Variants in ST6GALNAC3 observed in about 807,000 individuals in gnomAD.
The protein encoded by ST6GALNAC3 is ST6 N-acetylgalactosaminide alpha-2,6-sialyltransferase 3.
A neutral mutation model predicts 32.7 loss-of-function variants in ST6GALNAC3; 25 were observed. The ratio of observed to expected loss-of-function variants is 0.76; its 90% CI spans 0.56 to 1.07. The LOEUF is 1.07. ST6GALNAC3 is among the 50% of genes least tolerant of loss of function. ST6GALNAC3 has a pLI of 0.00. For missense variants in ST6GALNAC3, 355 were observed against 382.4 expected, an observed-to-expected ratio of 0.93 and a Z score of 0.60; for synonymous variants, 129 against 133.1, an observed-to-expected ratio of 0.97 and a Z score of 0.21.
At chr1:76,151,286 C>T (rs184744897) in intron 1 of ST6GALNAC3, among the ~76,000 whole-genome samples, 10 of 152,236 alleles carry the variant, frequency 6.6e-5, no homozygotes, top group Non-Finnish European at 1.3e-4. Flanking sequence ...CAAGGGGTGA[C>T]GTTAAAACTA....
At chr1:76,309,120 T>C (rs911575323) in intron 1 of ST6GALNAC3, among the ~76,000 whole-genome samples, 2 of 152,164 alleles carry the variant, frequency 1.3e-5, no homozygotes, top group African/African-American at 2.4e-5. Context: ...GTTCCTCCTA[T>C]ACTTACCCTT....
chr1:76,277,219 C>A (rs1659179666), intron 1 of ST6GALNAC3, among the ~76,000 whole-genome samples: 1 of 151,888 alleles, frequency 6.6e-6, no homozygotes, highest in African/African-American at 2.4e-5. Context: ...AAATTATTTT[C>A]TACTCCAACC....
At chr1:76,125,553 G>T (rs1414302124) in intron 1 of ST6GALNAC3, among the ~76,000 whole-genome samples, 1 of 152,128 alleles carries the variant, frequency 6.6e-6, no homozygotes, top group Admixed American at 6.5e-5. Context: ...GGCAGGGCAA[G>T]CCTCTGTGGT....
At chr1:76,402,910 A>T (rs1653536993) in intron 2 of ST6GALNAC3, among the ~76,000 whole-genome samples, 1 of 152,090 alleles carries the variant, frequency 6.6e-6, no homozygotes, top group African/African-American at 2.4e-5. Context: ...CTCTTAAATT[A>T]TTGAGTCTTA....
chr1:76,501,028 G>T (rs1347434834), intron 3 of ST6GALNAC3, among the ~76,000 whole-genome samples: 1 of 152,200 alleles, frequency 6.6e-6, no homozygotes, highest in African/African-American at 2.4e-5. Flanking sequence ...GTGGGGGGAA[G>T]ACCCCAGGAG....
In ST6GALNAC3 at chr1:76,436,164, C is replaced by CA. The variant is rs1656128784; in HGVS notation, c.623+23752dup. On this transcript the variant is annotated intron_variant, in intron 3 of 4. Coordinates refer to ENST00000328299, the MANE Select transcript of ST6GALNAC3 (RefSeq NM_152996.4). ...TCTTTTGTATTAAAGCATTCGAATG[C>CA]AAAAAGTGTAAATTTTGTCTGTGTG... Among the ~76,000 whole-genome samples, 3 of 152,136 alleles carry CA rather than the reference C, an allele frequency of 2.0e-5. 1 individual carries two copies. The South Asian group carries it at 6.2e-4, about 32-fold the overall frequency.
intron 3 of ST6GALNAC3, among the ~76,000 whole-genome samples, chr1:76,458,815 C>T (rs1354437226): frequency 1.3e-5 from 2 of 151,218 alleles, no homozygotes; most frequent in Non-Finnish European, 2.9e-5. Flanking sequence ...AGCGCACCAA[C>T]ACGGCACATG....
chr1:76,532,032 C>T (rs539556536), intron 3 of ST6GALNAC3, among the ~76,000 whole-genome samples: 1 of 152,252 alleles, frequency 6.6e-6, no homozygotes, highest in East Asian at 1.9e-4. Context: ...GGATAGCTGT[C>T]GCTCCATTTG....
chr1:76,328,980 T>C (rs893172719), intron 2 of ST6GALNAC3, among the ~76,000 whole-genome samples: 2 of 152,154 alleles, frequency 1.3e-5, no homozygotes, highest in African/African-American at 4.8e-5. Context: ...AATTTGCTTA[T>C]TTGCTTCTCC....
chr1:76,247,915 G>A (rs1013735865), intron 1 of ST6GALNAC3, among the ~76,000 whole-genome samples: 45 of 152,070 alleles, frequency 3.0e-4, no homozygotes, highest in African/African-American at 1.0e-3. Context: ...CCAAACAGCC[G>A]CCCAGTTTTG....
chr1:76,614,876 AG>A (rs1487563640), intron 3 of ST6GALNAC3, among the ~76,000 whole-genome samples: 1 of 151,910 alleles, frequency 6.6e-6, no homozygotes, highest in East Asian at 1.9e-4. Flanking sequence ...CAATGCCTCT[AG>A]GGAGATCAGG....
chr1:76,615,080 G>C (rs371675473), intron 3 of ST6GALNAC3, among the ~76,000 whole-genome samples: 3 of 152,000 alleles, frequency 2.0e-5, no homozygotes, highest in Non-Finnish European at 2.9e-5. Flanking sequence ...ATGATGCAGG[G>C]GGCTAGAATA....
intron 1 of ST6GALNAC3, among the ~76,000 whole-genome samples, chr1:76,241,968 G>A (rs1340050469): frequency 1.3e-5 from 2 of 152,148 alleles, no homozygotes; most frequent in Non-Finnish European, 2.9e-5. Context: ...TGTGAGTCTT[G>A]AGTAGTAGGA....
chr1:76,353,608 C>T (rs1649183860), intron 2 of ST6GALNAC3: 1 of 156,490 alleles, frequency 6.4e-6, no homozygotes, highest in Admixed American at 6.6e-5. Context: ...GGGGACCAGG[C>T]TGCAGGTGAG....
At chr1:76,425,495 C>A (rs1168597172) in intron 3 of ST6GALNAC3, among the ~76,000 whole-genome samples, 1 of 151,878 alleles carries the variant, frequency 6.6e-6, no homozygotes, top group Non-Finnish European at 1.5e-5. Context: ...GAGCACATAT[C>A]CCCTGGGTGC....
At chr1:76,237,800 C>G (rs79274817) in intron 1 of ST6GALNAC3, among the ~76,000 whole-genome samples, 190 of 152,218 alleles carry the variant, frequency 1.2e-3, no homozygotes, top group African/African-American at 4.2e-3. Context: ...TTGTTAAACA[C>G]CTATCATGTG....
At chr1:76,381,568 A>C (rs2101116491) in intron 2 of ST6GALNAC3, among the ~76,000 whole-genome samples, 1 of 152,288 alleles carries the variant, frequency 6.6e-6, no homozygotes, top group East Asian at 1.9e-4. Flanking sequence ...CAAGAAGCTG[A>C]ATAAATTACT....
intron 3 of ST6GALNAC3, among the ~76,000 whole-genome samples, chr1:76,605,140 C>G (rs1430267064): frequency 6.6e-6 from 1 of 152,116 alleles, no homozygotes; most frequent in Non-Finnish European, 1.5e-5. Context: ...ATAGACAGTA[C>G]AACGTGTTAG....
intron 3 of ST6GALNAC3, among the ~76,000 whole-genome samples, chr1:76,495,412 A>C (rs904517620): frequency 6.6e-6 from 1 of 152,132 alleles, no homozygotes; most frequent in Non-Finnish European, 1.5e-5. Context: ...CATCTCAAAC[A>C]AAGTTGCAAA....
Sources: allele counts gnomAD v4.1 joint callset (sites outside exome capture counted in the v4.1 genomes callset), GRCh38; gene constraint gnomAD v4.1.1; transcripts MANE v1.5; gene names NCBI Gene and HGNC (gene_info 2026-07-23, HGNC 2026-07-21).